Variants in TTC12 observed in about 807,000 individuals in gnomAD.
TTC12 encodes tetratricopeptide repeat domain 12, also known as tetratricopeptide repeat protein 12.
In TTC12, 70 loss-of-function variants were observed where a neutral mutation model predicts 90.1. That is an observed-to-expected ratio of 0.78 (90% CI 0.64 to 0.95). TTC12 has a LOEUF of 0.95. TTC12 is among the 40% of genes least tolerant of loss of function. The probability of loss-of-function intolerance (pLI) is 0.00; values close to 1 mark genes in which losing one functional copy is unlikely to be tolerated. For synonymous variants in TTC12, 296 were observed against 311.5 expected, an observed-to-expected ratio of 0.95 and a Z score of 0.53; for missense variants, 819 against 846.1, an observed-to-expected ratio of 0.97 and a Z score of 0.40.
rs782690183 is a variant in TTC12 at position 113,359,405 on chromosome 11, T to C, written c.1489T>C (p.Tyr497His). 6.8e-6 allele frequency: 11 copies of C among 1,613,386 alleles called. No homozygotes were observed. In the Admixed American group the frequency reaches 1.3e-4, roughly 20 times the overall value. Residue 497 changes from tyrosine to histidine, a missense_variant, in exon 17 of 22, where the codon TAC (tyrosine) becomes CAC (histidine). By Grantham distance (83) the Tyr-to-His change is moderately conservative. Transcript: ENST00000529221. Reference sequence around the variant, plus strand: ...TGTGGACCTGTTCAGAGAGGTTATCTACACACTCCTGGGACTCATGATGAA... The same window carrying C: ...TGTGGACCTGTTCAGAGAGGTTATCCACACACTCCTGGGACTCATGATGAA... ...EDVDLFREVI[Y>H]TLLGLMMNLC...
intron 6 of TTC12, among the ~76,000 whole-genome samples, chr11:113,325,926 A>G (rs1947662906): frequency 6.6e-6 from 1 of 152,186 alleles, no homozygotes; most frequent in Admixed American, 6.5e-5. Context: ...CATATCACTG[A>G]TGGTGACCAT....
chr11:113,341,810 A>G (rs1430779732), intron 11 of TTC12, 27 bp from the exon 12 acceptor site: 2 of 1,561,830 alleles, frequency 1.3e-6, no homozygotes, highest in Non-Finnish European at 1.8e-6. Flanking sequence ...TCAGACTTTT[A>G]AGATAGCTCT....
intron 11 of TTC12, among the ~76,000 whole-genome samples, chr11:113,341,072 A>T (rs1256404514): frequency 6.6e-6 from 1 of 152,142 alleles, no homozygotes; most frequent in Admixed American, 6.5e-5. Context: ...TCCACTAAAA[A>T]TACAAAAATT....
Position 113,347,834 on chromosome 11 carries a change from CTGTCTT to C in TTC12, c.1155-2237_1155-2232del, listed in dbSNP as rs1253573440. ...AAAGCCCAATCTGATGGCCTGTCAT[CTGTCTT>C]TCTTAAAGATGTCAAGGTCAAAGTC... On this transcript the variant is annotated intron_variant, in intron 13 of 21. Coordinates refer to ENST00000529221, the MANE Select transcript of TTC12 (RefSeq NM_017868.4). 6.6e-5 allele frequency among the ~76,000 whole-genome samples: 10 copies of C among 152,326 alleles called. No individual in the cohort carries two copies. The East Asian group carries it at 1.4e-3, about 21-fold the overall frequency.
At chr11:113,371,124 A>T (rs1312576705), downstream of TTC12, among the ~76,000 whole-genome samples, 9 of 152,280 alleles carry the variant, frequency 5.9e-5, 1 homozygote, top group Middle Eastern at 3.4e-3. Context: ...GGCTCCTAGA[A>T]TGTCCAAGCT....
At chr11:113,324,516 C>T (rs1947561409) in intron 4 of TTC12, 89 bp from the exon 5 acceptor site, 3 of 1,062,468 alleles carry the variant, frequency 2.8e-6, no homozygotes, top group Non-Finnish European at 4.2e-6. Context: ...ATACGTGTGG[C>T]TCTAAAGTAA....
chr11:113,324,550 C>CTGATTA lies in TTC12; in HGVS notation c.245-53_245-48dup. On this transcript the variant is annotated intron_variant, in intron 4 of 21. Transcript: ENST00000529221. Reference sequence around the variant, plus strand: ...AACACTTCGAATTTGAGCTAAAGAACTGATTATAGTATTTGGATTTTTCTT... The same window carrying CTGATTA: ...AACACTTCGAATTTGAGCTAAAGAACTGATTATGATTATAGTATTTGGATTTTTCTT... 3 of 1,471,136 alleles carry CTGATTA rather than the reference C, an allele frequency of 2.0e-6. No homozygotes were observed. In the Admixed American group the frequency reaches 5.4e-5, roughly 26 times the overall value. 91.1% of individuals were successfully genotyped at this position (1,471,136 alleles called of 1,614,324 possible). A position where few individuals can be genotyped will look rare whatever the true frequency, so the allele number is the denominator to read the frequency against.
intron 13 of TTC12, among the ~76,000 whole-genome samples, chr11:113,349,177 T>C (rs1472501540): frequency 6.6e-6 from 1 of 152,218 alleles, no homozygotes; most frequent in Admixed American, 6.5e-5. Context: ...GACACTGAAG[T>C]GTCATCTATT....
chr11:113,359,564 C>A, intron 17 of TTC12, 103 bp downstream of exon 17: 1 of 795,040 alleles, frequency 1.3e-6, no homozygotes, highest in Non-Finnish European at 2.1e-6. Context: ...AGCATGTACA[C>A]TCACACACTG....
intron 16 of TTC12, among the ~76,000 whole-genome samples, chr11:113,352,503 T>C (rs1555150779): frequency 6.6e-6 from 1 of 152,126 alleles, no homozygotes; most frequent in Non-Finnish European, 1.5e-5. Context: ...CTAGGTTTCT[T>C]ATATAAGTAA....
rs1443248072 is a variant in TTC12 at position 113,366,370 on chromosome 11, AG to A, written c.*71del. 1 of 1,602,714 alleles carries A rather than the reference AG, an allele frequency of 6.2e-7. No individual in the cohort carries two copies. Among genetic ancestry groups the A allele is most frequent in the African/African-American group, 1.3e-5 (1 of 74,834 alleles). ...CCGTGTGTTGTTCCTATGCTAATAA[AG>A]ACCTTTGATGTATCCACTTCAGAAT... On this transcript the variant is annotated 3_prime_UTR_variant, in exon 22 of 22. Transcript: ENST00000529221.
rs532724553 is a variant in TTC12 at position 113,329,885 on chromosome 11, T to C, written c.445-35T>C. The C allele has an allele frequency of 3.2e-6, 5 of 1,574,976 alleles. No individual in the cohort carries two copies. The South Asian group carries it at 4.4e-5, about 14-fold the overall frequency. On this transcript the variant is annotated intron_variant, in intron 6 of 21. Transcript: ENST00000529221. ...GAACTGAAAACTGCCTGATGCAGAA[T>C]TGTGTGTGAATATCAGCTGTTGGTT...
At position 113,340,545 on chromosome 11, in the gene TTC12, T is replaced by C. The variant is rs1948622656; in HGVS notation, c.827-119T>C. On this transcript the variant is annotated intron_variant, in intron 10 of 21. Coordinates refer to ENST00000529221, the MANE Select transcript of TTC12 (RefSeq NM_017868.4). ...AAGTTCATTTGTTCCTGCCAAACCA[T>C]TCACGTGGGTACCGTGGCATTCCAT... The C allele has an allele frequency of 1.0e-4, 74 of 729,928 alleles. 3 individuals carry two copies. The South Asian group carries it at 1.1e-3, about 11-fold the overall frequency. 45.2% of individuals were successfully genotyped at this position (729,928 alleles called of 1,614,324 possible).
At chr11:113,333,082 A>G (rs1239442440) in intron 7 of TTC12, among the ~76,000 whole-genome samples, 1 of 151,900 alleles carries the variant, frequency 6.6e-6, no homozygotes, top group Non-Finnish European at 1.5e-5. Context: ...TTGTTCAGCC[A>G]TTCCCTCCTC....
chr11:113,349,138 G>A (rs949270605), intron 13 of TTC12, among the ~76,000 whole-genome samples: 9 of 152,186 alleles, frequency 5.9e-5, no homozygotes, highest in African/African-American at 1.9e-4. Context: ...ATGGATAAAC[G>A]AATGAATAGC....
intron 16 of TTC12, 147 bp downstream of exon 16, chr11:113,352,354 A>G: frequency 3.2e-6 from 3 of 935,298 alleles, no homozygotes; most frequent in Non-Finnish European, 4.9e-6. Flanking sequence ...CACGGATTTT[A>G]TGCACTGCTG....
At chr11:113,339,668 T>C in intron 10 of TTC12, 194 bp downstream of exon 10, 1 of 535,536 alleles carries the variant, frequency 1.9e-6, no homozygotes, top group South Asian at 3.2e-5. Context: ...CTACAGAGCA[T>C]GCGTACACTC....
chr11:113,344,153 A>G, intron 12 of TTC12, 119 bp from the exon 13 acceptor site: 2 of 1,175,966 alleles, frequency 1.7e-6, no homozygotes, highest in Non-Finnish European at 2.4e-6. Context: ...CTTACACTTC[A>G]TTATTCTGCC....
At chr11:113,361,889 A>G (rs1473017881) in intron 18 of TTC12, among the ~76,000 whole-genome samples, 1 of 151,824 alleles carries the variant, frequency 6.6e-6, no homozygotes, top group Admixed American at 6.6e-5. Flanking sequence ...AGTAACTATC[A>G]TTTGTATCCT....
Sources: allele counts gnomAD v4.1 joint callset (sites outside exome capture counted in the v4.1 genomes callset), GRCh38; gene constraint gnomAD v4.1.1; transcripts MANE v1.5; gene names NCBI Gene and HGNC (gene_info 2026-07-23, HGNC 2026-07-21).